The following NDUFA5 variants were observed in gnomAD, a reference collection of about 807,000 sequenced individuals.
NDUFA5 encodes the protein NADH dehydrogenase [ubiquinone] 1 alpha subcomplex subunit 5.
Under a neutral mutation model 19.8 loss-of-function variants are expected in NDUFA5, and 11 were observed. The ratio of observed to expected loss-of-function variants is 0.56; its 90% CI spans 0.35 to 0.92. The LOEUF (loss-of-function observed/expected upper bound fraction) is 0.92, where lower values mean the gene tolerates loss of function less well. Ranked by LOEUF, NDUFA5 falls within the 40% of genes least tolerant of loss-of-function variation. The pLI is 0.01. For synonymous variants in NDUFA5, 47 were observed against 46.8 expected (o/e 1.00, Z -0.01); for missense variants, 109 against 134.2 (o/e 0.81, Z 0.93).
chr7:123,592,075 G>A, the NDUFA5 span, among the ~76,000 whole-genome samples: 1 of 152,080 alleles, frequency 6.6e-6, no homozygotes, highest in African/African-American at 2.4e-5. Flanking sequence ...AGATATTTTA[G>A]TTTATTTCTG....
chr7:123,573,107 AC>A, the NDUFA5 span, among the ~76,000 whole-genome samples: 1 of 152,014 alleles, frequency 6.6e-6, no homozygotes, highest in Non-Finnish European at 1.5e-5. Context: ...CCCTGAAATC[AC>A]CTCTTCCATG....
the NDUFA5 span, among the ~76,000 whole-genome samples, chr7:123,587,558 T>C: frequency 3.3e-5 from 5 of 151,772 alleles, no homozygotes; most frequent in African/African-American, 9.6e-5. Flanking sequence ...CTAATTGCTC[T>C]GGTGAGAACC....
At chr7:123,564,146 C>G in the NDUFA5 span, among the ~76,000 whole-genome samples, 3 of 151,966 alleles carry the variant, frequency 2.0e-5, no homozygotes, top group Non-Finnish European at 2.9e-5. Flanking sequence ...ATCAATAAAA[C>G]AACAACAAGA....
intron 2 of NDUFA5, chr7:123,555,482 A>T (rs1304736530): frequency 6.6e-6 from 1 of 152,252 alleles, no homozygotes; most frequent in African/African-American, 2.4e-5. Context: ...TGAGAGTACA[A>T]GTATAAGAGA....
chr7:123,553,053 A>G (rs1798412841), intron 2 of NDUFA5, among the ~76,000 whole-genome samples: 1 of 152,158 alleles, frequency 6.6e-6, no homozygotes, highest in Admixed American at 6.6e-5. Flanking sequence ...CCAGCCCCAG[A>G]CAGTCGCTAC....
intron 3 of NDUFA5, among the ~76,000 whole-genome samples, chr7:123,548,984 A>C (rs1244647610): frequency 6.6e-6 from 1 of 151,598 alleles, no homozygotes; most frequent in Non-Finnish European, 1.5e-5. Flanking sequence ...AAAATACAGT[A>C]TAACTACTTA....
the NDUFA5 span, among the ~76,000 whole-genome samples, chr7:123,569,571 G>A: frequency 6.6e-6 from 1 of 152,212 alleles, no homozygotes; most frequent in African/African-American, 2.4e-5. Context: ...GAGAGTCAGT[G>A]CATCTGCTGT....
At chr7:123,571,310 T>C in the NDUFA5 span, among the ~76,000 whole-genome samples, 2 of 152,338 alleles carry the variant, frequency 1.3e-5, no homozygotes, top group East Asian at 3.9e-4. Context: ...TGTACTGTGG[T>C]TTTTAATTGC....
the NDUFA5 span, among the ~76,000 whole-genome samples, chr7:123,595,821 C>T: frequency 2.0e-5 from 3 of 152,200 alleles, no homozygotes; most frequent in Non-Finnish European, 2.9e-5. Context: ...TATTTGTCTA[C>T]ACTGTGGGTG....
the NDUFA5 span, among the ~76,000 whole-genome samples, chr7:123,590,879 T>C: frequency 6.6e-6 from 1 of 152,192 alleles, no homozygotes; most frequent in Non-Finnish European, 1.5e-5. Context: ...AATCTATAAA[T>C]TACCTTGGGC....
rs764951775 is a variant in NDUFA5 at position 123,557,467 on chromosome 7, C to T, written c.22-19G>A. On this transcript the variant is annotated intron_variant, in intron 1 of 4. Coordinates refer to ENST00000355749, the MANE Select transcript of NDUFA5 (RefSeq NM_005000.5). ...CAGTGGTCTGTTCAAAAACAAAACA[C>T]GATTCATGCTGTTTACTACGGTTTC... 1.2e-6 allele frequency: 2 copies of T among 1,612,300 alleles called. No individual in the cohort carries two copies. Among genetic ancestry groups the T allele is most frequent in the Admixed American group, 1.7e-5 (1 of 59,852 alleles).
chr7:123,545,911 T>C (rs574550312), intron 3 of NDUFA5: 6 of 385,786 alleles, frequency 1.6e-5, no homozygotes, highest in South Asian at 7.3e-5. Flanking sequence ...GGGACAGAAA[T>C]ACAATGTCAA....
chr7:123,597,068 C>T, the NDUFA5 span, among the ~76,000 whole-genome samples: 13 of 152,184 alleles, frequency 8.5e-5, no homozygotes, highest in African/African-American at 3.1e-4. Context: ...CTCTTACACA[C>T]GGTTTTGCTT....
chr7:123,572,230 C>T, the NDUFA5 span, among the ~76,000 whole-genome samples: 4 of 141,884 alleles, frequency 2.8e-5, no homozygotes, highest in Non-Finnish European at 6.0e-5. Flanking sequence ...CAACCTCTGC[C>T]TCCTGGGTTC....
the NDUFA5 span, chr7:123,567,098 A>C: frequency 1.3e-5 from 2 of 152,206 alleles, no homozygotes; most frequent in Non-Finnish European, 2.9e-5. Flanking sequence ...GGTACTGCAT[A>C]ATTAAGTTTC....
At chr7:123,569,172 T>A in the NDUFA5 span, among the ~76,000 whole-genome samples, 1 of 152,180 alleles carries the variant, frequency 6.6e-6, no homozygotes, top group African/African-American at 2.4e-5. Context: ...TCTCAACCAT[T>A]AAGGAGTCAT....
chr7:123,550,590 A>G lies in NDUFA5; in HGVS notation c.67-4T>C. 1 of 1,548,214 alleles carries G rather than the reference A, an allele frequency of 6.5e-7. No individual in the cohort carries two copies. The highest frequency in any genetic ancestry group is 8.9e-7 in the Non-Finnish European group (1 of 1,125,974). On this transcript the variant is annotated splice_polypyrimidine_tract_variant and splice_region_variant and intron_variant, in intron 2 of 4. Coordinates refer to ENST00000355749, the MANE Select transcript of NDUFA5 (RefSeq NM_005000.5). ...TTGTGTACAATATTCTTAGCCTCTG[A>G]AAAGACAAACCATACAAATTTCCAT... is the stretch of plus-strand genomic sequence containing the variant.
chr7:123,540,055 T>G lies in NDUFA5; in HGVS notation c.*2064A>C, dbSNP rs577775414. On this transcript the variant is annotated 3_prime_UTR_variant, in exon 5 of 5. Transcript: ENST00000355749. The stretch of plus-strand genomic sequence containing the variant: ...TTGGATTTGTTATTAAATCATCTCT[T>G]GGTTTCAGTGTCCCCAAGGCCCCAA... 2.6e-5 allele frequency: 4 copies of G among 152,328 alleles called. No homozygotes were observed. Among genetic ancestry groups the G allele is most frequent in the African/African-American group, 9.6e-5 (4 of 41,578 alleles). The allele number at this position is 152,328 out of a possible 1,614,324, so 9.4% of individuals were successfully genotyped here.
the NDUFA5 span, among the ~76,000 whole-genome samples, chr7:123,585,372 A>T: frequency 6.6e-6 from 1 of 151,916 alleles, no homozygotes; most frequent in East Asian, 1.9e-4. Context: ...AATTTAGAGC[A>T]CACTAGGAGA....
Sources: gnomAD v4.1 joint callset for allele counts (sites outside exome capture counted in the v4.1 genomes callset) on GRCh38, gnomAD v4.1.1 for gene constraint, MANE v1.5 for transcripts, NCBI Gene and HGNC (gene_info 2026-07-23, HGNC 2026-07-21) for gene names.